The following PCP4 variants were observed in gnomAD, a reference collection of about 807,000 sequenced individuals.
The protein encoded by PCP4 is calmodulin regulator protein PCP4.
Under a neutral mutation model 10.0 loss-of-function variants are expected in PCP4, and 8 were observed. The observed-to-expected ratio is 0.80, with a 90% CI of 0.47 to 1.45. The LOEUF is 1.45. Ranked by LOEUF, PCP4 falls within the 40% of genes most tolerant of loss-of-function variation. The pLI, the probability that PCP4 is intolerant of heterozygous loss-of-function variation, is 0.00. For missense variants in PCP4, 54 were observed against 74.4 expected, an observed-to-expected ratio of 0.73 and a Z score of 1.01; for synonymous variants, 21 against 23.0, an observed-to-expected ratio of 0.91 and a Z score of 0.24.
At chr21:39,918,129 T>C (rs1036173444) in intron 2 of PCP4, among the ~76,000 whole-genome samples, 1 of 152,230 alleles carries the variant, frequency 6.6e-6, no homozygotes, top group African/African-American at 2.4e-5. Flanking sequence ...TTTGTCATGA[T>C]AGCCTAAGCA....
At chr21:39,923,754 A>C (rs2038550490) in intron 2 of PCP4, among the ~76,000 whole-genome samples, 1 of 152,234 alleles carries the variant, frequency 6.6e-6, no homozygotes, top group African/African-American at 2.4e-5. Flanking sequence ...TGCAATCTGG[A>C]CATGACAATG....
intron 1 of PCP4, among the ~76,000 whole-genome samples, chr21:39,879,741 C>A (rs530694912): frequency 2.7e-4 from 41 of 152,312 alleles, no homozygotes; most frequent in African/African-American, 8.2e-4. Context: ...GCCCTGCTGG[C>A]CCCCTCTGCC....
chr21:39,882,373 G>A (rs927000934), intron 1 of PCP4, among the ~76,000 whole-genome samples: 17 of 152,150 alleles, frequency 1.1e-4, no homozygotes, highest in African/African-American at 3.4e-4. Context: ...CAGCTGTTGC[G>A]GCATTTCATC....
intron 2 of PCP4, among the ~76,000 whole-genome samples, chr21:39,910,289 G>T (rs563345933): frequency 6.6e-6 from 1 of 152,260 alleles, no homozygotes; most frequent in Admixed American, 6.5e-5. Flanking sequence ...GACCTGGCCT[G>T]TGTAGGAGGG....
intron 2 of PCP4, among the ~76,000 whole-genome samples, chr21:39,909,231 G>C (rs1370425485): frequency 6.6e-6 from 1 of 152,152 alleles, no homozygotes; most frequent in Non-Finnish European, 1.5e-5. Flanking sequence ...ATTTCTCATG[G>C]CTATTATGGC....
chr21:39,886,434 C>T (rs1380061552), intron 1 of PCP4, among the ~76,000 whole-genome samples: 1 of 152,036 alleles, frequency 6.6e-6, no homozygotes, highest in African/African-American at 2.4e-5. Context: ...TACTAAAATA[C>T]AAATCTACTA....
At chr21:39,904,280 C>G (rs1319954289) in intron 2 of PCP4, among the ~76,000 whole-genome samples, 2 of 152,198 alleles carry the variant, frequency 1.3e-5, no homozygotes, top group African/African-American at 4.8e-5. Context: ...ACATTCATCC[C>G]CCTCCCACTT....
At chr21:39,869,007 C>T (rs985609946) in intron 1 of PCP4, among the ~76,000 whole-genome samples, 1 of 152,198 alleles carries the variant, frequency 6.6e-6, no homozygotes, top group African/African-American at 2.4e-5. Flanking sequence ...TTCTGCTGGA[C>T]TCTACAGATA....
chr21:39,914,746 CT>C (rs1030852377), intron 2 of PCP4, among the ~76,000 whole-genome samples: 75 of 152,154 alleles, frequency 4.9e-4, no homozygotes, highest in African/African-American at 1.6e-3. Context: ...TTGCATTTGA[CT>C]TTTTTTCTAT....
chr21:39,911,130 A>T (rs1459307918), intron 2 of PCP4, among the ~76,000 whole-genome samples: 1 of 152,096 alleles, frequency 6.6e-6, no homozygotes, highest in Non-Finnish European at 1.5e-5. Context: ...CACAGGAGAA[A>T]TACGATGTAT....
At chr21:39,884,658 G>C (rs914907786) in intron 1 of PCP4, among the ~76,000 whole-genome samples, 4 of 151,898 alleles carry the variant, frequency 2.6e-5, no homozygotes, top group Admixed American at 1.3e-4. Flanking sequence ...TTAGCCAGGC[G>C]TGGTGGCATG....
At chr21:39,898,444 A>G in intron 1 of PCP4, 32 bp from the exon 2 acceptor site, 3 of 1,579,808 alleles carry the variant, frequency 1.9e-6, no homozygotes, top group Non-Finnish European at 2.6e-6. Context: ...ATCTGATAAC[A>G]ATTGCTTTTT....
intron 2 of PCP4, among the ~76,000 whole-genome samples, chr21:39,909,312 G>A (rs549959434): frequency 1.3e-5 from 2 of 152,124 alleles, no homozygotes; most frequent in East Asian, 1.9e-4. Flanking sequence ...TGAGCACACC[G>A]TTTTCTTACA....
intron 1 of PCP4, among the ~76,000 whole-genome samples, chr21:39,885,457 C>T (rs556588771): frequency 1.2e-4 from 18 of 152,244 alleles, no homozygotes; most frequent in Non-Finnish European, 2.6e-4. Flanking sequence ...AGAAGGACAT[C>T]AGGCTGGCGG....
intron 2 of PCP4, among the ~76,000 whole-genome samples, chr21:39,927,311 T>TATCTATCTATCTATCTATCC (rs1568863742): frequency 6.8e-5 from 8 of 117,512 alleles, no homozygotes; most frequent in African/African-American, 2.3e-4. Context: ...TCTATCTATC[T>TATCTATCTATCTATCTATCC]ATCTATCTAT....
chr21:39,918,204 T>C lies in PCP4; in HGVS notation c.62-10780T>C, dbSNP rs1368404811. On this transcript the variant is annotated intron_variant, in intron 2 of 2. Coordinates refer to ENST00000328619, the MANE Select transcript of PCP4 (RefSeq NM_006198.3). ...AAAATTAGTATTTCTTCAATGATGA[T>C]TATACCTTGTTTTTTTGTGCTCTTC... 3.3e-5 allele frequency among the ~76,000 whole-genome samples: 5 copies of C among 152,232 alleles called. No individual in the cohort carries two copies. The East Asian group carries it at 9.6e-4, about 29-fold the overall frequency.
Position 39,867,514 on chromosome 21 carries a change from A to G in PCP4, c.9+4A>G, listed in dbSNP as rs1568847318. ...AGTTAGAGCCAACATGAGTGAGGTGAGTGATGCTTCGACCTGGAGAGGGAA... is the reference window on the plus strand; with the variant it reads ...AGTTAGAGCCAACATGAGTGAGGTGGGTGATGCTTCGACCTGGAGAGGGAA... On this transcript the variant is annotated splice_donor_region_variant and intron_variant, in intron 1 of 2. Transcript: ENST00000328619. 1.2e-6 allele frequency: 2 copies of G among 1,614,080 alleles called. No homozygotes were observed.
intron 2 of PCP4, among the ~76,000 whole-genome samples, chr21:39,913,127 A>G (rs1011861029): frequency 6.6e-6 from 1 of 152,230 alleles, no homozygotes; most frequent in African/African-American, 2.4e-5. Flanking sequence ...TTTTATAAAT[A>G]TAAGAACTCA....
chr21:39,898,243 C>A lies in PCP4; in HGVS notation c.10-233C>A, dbSNP rs529294245. 3.8e-5 allele frequency: 21 copies of A among 553,322 alleles called. No homozygotes were observed. In the Middle Eastern group the frequency reaches 1.5e-3, roughly 39 times the overall value. The allele number at this position is 553,322 out of a possible 1,614,324, so 34.3% of individuals were successfully genotyped here. A position where few individuals can be genotyped will look rare whatever the true frequency, so the allele number is the denominator to read the frequency against. ...TCCTGGTTTCTCTTGTTACTGGTGA[C>A]CTGCATTCCTAGAGCAGTGGATGTG... is the stretch of plus-strand genomic sequence containing the variant. On this transcript the variant is annotated intron_variant, in intron 1 of 2. Transcript: ENST00000328619.
Sources: allele counts gnomAD v4.1 joint callset (sites outside exome capture counted in the v4.1 genomes callset), GRCh38; gene constraint gnomAD v4.1.1; transcripts MANE v1.5; gene names NCBI Gene and HGNC (gene_info 2026-07-23, HGNC 2026-07-21).